Variants in NHSL1 observed in about 807,000 individuals in gnomAD.
NHSL1 encodes NHS-like protein 1.
Under a neutral mutation model 95.0 loss-of-function variants are expected in NHSL1, and 48 were observed. That is an observed-to-expected ratio of 0.51 (90% CI 0.40 to 0.64). NHSL1 has a LOEUF of 0.64. NHSL1 is among the 30% of genes least tolerant of loss of function. The probability of loss-of-function intolerance (pLI) is 0.00; values close to 1 mark genes in which losing one functional copy is unlikely to be tolerated. For synonymous variants in NHSL1, 783 were observed against 833.9 expected (o/e 0.94, Z 1.05); for missense variants, 1,971 against 2,077.7 (o/e 0.95, Z 1.00).
At chr6:138,624,224 T>A (rs1419564209) in intron 1 of NHSL1, among the ~76,000 whole-genome samples, 1 of 152,182 alleles carries the variant, frequency 6.6e-6, no homozygotes, top group Non-Finnish European at 1.5e-5. Context: ...CAGGATCACC[T>A]AGACAGCTTG....
intron 1 of NHSL1, among the ~76,000 whole-genome samples, chr6:138,648,472 G>C (rs1022309369): frequency 6.6e-6 from 1 of 151,918 alleles, no homozygotes; most frequent in Non-Finnish European, 1.5e-5. Flanking sequence ...TTAGCTGACC[G>C]AGACCAGGTA....
chr6:138,473,314 C>A lies in NHSL1; in HGVS notation c.331G>T (p.Asp111Tyr). The change falls in exon 3 of 8, where the codon GAT (aspartate) becomes TAT (tyrosine). Residue 111 changes from aspartate (D) to tyrosine (Y), a missense_variant. Asp to Tyr is a radical substitution (Grantham distance 160). Transcript: ENST00000343505. ...DDYQDEDEETDQKCSLSSSEE... is the reference protein window; with the variant it reads ...DDYQDEDEETYQKCSLSSSEE... ...TGAACTTTGAAGCTTACCTTTTGATCTGTTTCTTCATCTTCATCTTGGTAA... is the reference window on the plus strand; with the variant it reads ...TGAACTTTGAAGCTTACCTTTTGATATGTTTCTTCATCTTCATCTTGGTAA... The A allele has an allele frequency of 6.5e-7, 1 of 1,541,770 alleles. No homozygotes were observed. Among genetic ancestry groups the A allele is most frequent in the Non-Finnish European group, 8.7e-7 (1 of 1,143,418 alleles).
intron 1 of NHSL1, chr6:138,650,780 A>G (rs774252043): frequency 1.9e-4 from 102 of 543,050 alleles, no homozygotes; most frequent in Non-Finnish European, 3.2e-4. Context: ...TCTTCATATC[A>G]CCCTTGTTGG....
chr6:138,650,547 A>G (rs1229836258), intron 1 of NHSL1: 8 of 596,444 alleles, frequency 1.3e-5, no homozygotes, highest in Middle Eastern at 2.9e-4. Context: ...CAAGAAAACC[A>G]CATCACCCAG....
intron 1 of NHSL1, among the ~76,000 whole-genome samples, chr6:138,525,571 AT>A (rs1562348778): frequency 6.0e-5 from 9 of 150,144 alleles, no homozygotes; most frequent in East Asian, 3.9e-4. Context: ...AAATAAATAA[AT>A]AAATAAAAAG....
chr6:138,433,548 G>T lies in NHSL1; in HGVS notation c.797C>A (p.Thr266Lys), dbSNP rs931145541. The stretch of plus-strand genomic sequence containing the variant: ...AGGTGGTACGACCTTCACATCCTCC[G>T]TCTGACAGCTGGAGTCCCTGGTTTC... The part of the protein sequence containing the change: ...RSETRDSSCQ[T>K]EDVKVVPPSM... Residue 266 changes from threonine to lysine, a missense_variant, in exon 6 of 8, where the codon ACG becomes AAG. Coordinates refer to ENST00000343505, the MANE Select transcript of NHSL1 (RefSeq NM_001144060.2). 1 of 1,551,910 alleles carries T rather than the reference G, an allele frequency of 6.4e-7. No individual in the cohort carries two copies. Among genetic ancestry groups the T allele is most frequent in the Admixed American group, 2.0e-5 (1 of 51,002 alleles).
chr6:138,450,557 C>G (rs575747319), intron 3 of NHSL1, among the ~76,000 whole-genome samples: 133 of 152,222 alleles, frequency 8.7e-4, no homozygotes, highest in Non-Finnish European at 1.4e-3. Context: ...CCCCACTAAC[C>G]TACTTTTCTT....
At position 138,433,780 on chromosome 6, in the gene NHSL1, TATTTG is replaced by T. The variant is rs1182327201; in HGVS notation, c.665-105_665-101del. The T allele has an allele frequency of 1.2e-4, 168 of 1,399,746 alleles. 1 individual carries two copies. In the East Asian group the frequency reaches 4.0e-3, roughly 34 times the overall value. 86.7% of individuals were successfully genotyped at this position (1,399,746 alleles called of 1,614,324 possible). Reference sequence around the variant, plus strand: ...TGACAGAATTTTAAAAAAATTTTTCTATTTGATTTAATTTCCTTTCTCCTGTAGGT... The same window carrying T: ...TGACAGAATTTTAAAAAAATTTTTCTATTTAATTTCCTTTCTCCTGTAGGT... On this transcript the variant is annotated intron_variant, in intron 5 of 7. Coordinates refer to ENST00000343505, the MANE Select transcript of NHSL1 (RefSeq NM_001144060.2).
intron 2 of NHSL1, among the ~76,000 whole-genome samples, chr6:138,487,361 C>T (rs1380190403): frequency 6.6e-6 from 1 of 152,222 alleles, no homozygotes; most frequent in Non-Finnish European, 1.5e-5. Context: ...GAACCTTGCA[C>T]ATAAGCTAGT....
intron 1 of NHSL1, among the ~76,000 whole-genome samples, chr6:138,558,795 C>T (rs750454222): frequency 1.3e-5 from 2 of 152,154 alleles, no homozygotes; most frequent in Non-Finnish European, 2.9e-5. Flanking sequence ...ATATTCCCAG[C>T]ACTTTGGGAG....
At chr6:138,662,161 T>G (rs1785236410) in intron 1 of NHSL1, among the ~76,000 whole-genome samples, 1 of 151,902 alleles carries the variant, frequency 6.6e-6, no homozygotes, top group Non-Finnish European at 1.5e-5. Flanking sequence ...AAAAAAAATC[T>G]TAGAATGATA....
chr6:138,554,694 TA>T (rs1783132028), intron 1 of NHSL1, among the ~76,000 whole-genome samples: 1 of 152,240 alleles, frequency 6.6e-6, no homozygotes, highest in Non-Finnish European at 1.5e-5. Flanking sequence ...CCTACTTGTT[TA>T]AAATATTGTG....
chr6:138,672,676 C>G (rs1351661052), intron 1 of NHSL1, among the ~76,000 whole-genome samples: 2 of 152,166 alleles, frequency 1.3e-5, no homozygotes, highest in South Asian at 2.1e-4. Context: ...TCAAATACTA[C>G]ATTATGTCTC....
intron 4 of NHSL1, among the ~76,000 whole-genome samples, chr6:138,442,625 T>C (rs763939075): frequency 3.9e-5 from 6 of 152,234 alleles, no homozygotes; most frequent in Admixed American, 2.0e-4. Flanking sequence ...ACAATTTGGA[T>C]AGACTGTGGT....
intron 1 of NHSL1, among the ~76,000 whole-genome samples, chr6:138,596,752 A>G (rs1192188706): frequency 2.0e-5 from 3 of 151,382 alleles, no homozygotes; most frequent in African/African-American, 7.3e-5. Context: ...TTTCTCACCC[A>G]CATTCAATTG....
chr6:138,663,347 G>C (rs571821837), intron 1 of NHSL1, among the ~76,000 whole-genome samples: 2 of 152,138 alleles, frequency 1.3e-5, no homozygotes, highest in Admixed American at 1.3e-4. Flanking sequence ...GATCACCTTA[G>C]ATCGGGAGTT....
chr6:138,432,654 G>T lies in NHSL1; in HGVS notation c.1691C>A (p.Ser564Tyr), dbSNP rs1775780965. 16 of 1,551,734 alleles carry T rather than the reference G, an allele frequency of 1.0e-5. No homozygotes were observed. In the East Asian group the frequency reaches 2.0e-4, roughly 19 times the overall value. Reference sequence around the variant, plus strand: ...AGTTGCTAAATGCGGCTTCAGGGGGGATGCCCTTCCATTACCTGAGGATTT... The same window carrying T: ...AGTTGCTAAATGCGGCTTCAGGGGGTATGCCCTTCCATTACCTGAGGATTT... ...EYKSSGNGRA[S>Y]PLKPHLATPG... is the part of the protein sequence containing the mutation. Residue 564 changes from serine (S) to tyrosine (Y), a missense_variant, in exon 6 of 8, where the codon TCC becomes TAC. By Grantham distance (144) the Ser-to-Tyr change is moderately radical. Around this residue, in one of 3 missense-constraint regions of NHSL1, gnomAD observed 1,602 missense variants for 1,654.5 expected, o/e 0.97. Coordinates refer to ENST00000343505, the MANE Select transcript of NHSL1 (RefSeq NM_001144060.2). The surrounding 1 kb of genome is among the most constrained non-coding windows in gnomAD (Gnocchi z 4.4).
chr6:138,480,367 T>C (rs1779343096), intron 2 of NHSL1, among the ~76,000 whole-genome samples: 1 of 152,218 alleles, frequency 6.6e-6, no homozygotes, highest in South Asian at 2.1e-4. Flanking sequence ...CCAGAATGTA[T>C]GGAGGGCTGA....
At chr6:138,659,456 G>A (rs952925694) in intron 1 of NHSL1, among the ~76,000 whole-genome samples, 1 of 152,100 alleles carries the variant, frequency 6.6e-6, no homozygotes, top group Non-Finnish European at 1.5e-5. Context: ...CTGTGAAGGA[G>A]AATTAATATT....
Sources: gnomAD v4.1 joint callset for allele counts (sites outside exome capture counted in the v4.1 genomes callset) on GRCh38, gnomAD v4.1.1 for gene constraint, gnomAD v4.1.1 regional missense constraint, Gnocchi (gnomAD v3.1) non-coding constraint, MANE v1.5 for transcripts, NCBI Gene and HGNC (gene_info 2026-07-23, HGNC 2026-07-21) for gene names.